Variants in RBMS3 observed in about 807,000 individuals in gnomAD.
RBMS3 encodes the protein RNA-binding motif, single-stranded-interacting protein 3.
Under a neutral mutation model 66.8 loss-of-function variants are expected in RBMS3, and 27 were observed. That is an observed-to-expected ratio of 0.40 (90% CI 0.30 to 0.56). RBMS3 has a LOEUF of 0.56. Among genes scored for constraint, RBMS3 ranks in the 20% least tolerant of loss-of-function variants. The pLI, the probability that RBMS3 is intolerant of heterozygous loss-of-function variation, is 0.40. For synonymous variants in RBMS3, 188 were observed against 183.0 expected (o/e 1.03, Z -0.22); for missense variants, 513 against 549.5 (o/e 0.93, Z 0.66).
At chr3:29,671,103 T>C (rs756494256) in intron 4 of RBMS3, among the ~76,000 whole-genome samples, 1 of 152,198 alleles carries the variant, frequency 6.6e-6, no homozygotes, top group Non-Finnish European at 1.5e-5. Flanking sequence ...ATATTTGCTG[T>C]TCTGCAGCCT....
intron 4 of RBMS3, among the ~76,000 whole-genome samples, chr3:29,664,519 C>T (rs1315473677): frequency 1.3e-5 from 2 of 151,848 alleles, no homozygotes; most frequent in Non-Finnish European, 2.9e-5. Flanking sequence ...AAGTCATTTA[C>T]TATGACTTGT....
chr3:29,456,749 G>A (rs927675741), intron 2 of RBMS3, among the ~76,000 whole-genome samples: 4 of 152,134 alleles, frequency 2.6e-5, no homozygotes, highest in African/African-American at 9.7e-5. Context: ...TCATCTTTAA[G>A]TAAGTGTGTT....
Position 29,991,183 on chromosome 3 carries a change from A to AC in RBMS3, c.1283dup (p.Ala429CysfsTer8). 1.2e-6 allele frequency: 2 copies of AC among 1,614,176 alleles called. No homozygotes were observed. Among genetic ancestry groups the AC allele is most frequent in the Non-Finnish European group, 1.7e-6 (2 of 1,180,024 alleles). On this transcript the variant is annotated frameshift_variant, in exon 14 of 15. Transcript: ENST00000383767. LOFTEE classifies it high-confidence loss of function. ...CAGTGGACACATCCAACGAACATGCACCTGCATATTCTTACCAACAGTCTA... is the reference window on the plus strand; with the variant it reads ...CAGTGGACACATCCAACGAACATGCACCCTGCATATTCTTACCAACAGTCTA...
chr3:29,530,260 A>C, intron 3 of RBMS3, among the ~76,000 whole-genome samples: 1 of 152,220 alleles, frequency 6.6e-6, no homozygotes, highest in East Asian at 1.9e-4. Flanking sequence ...ATCAACACCG[A>C]TTCTGACAAC....
intron 10 of RBMS3, among the ~76,000 whole-genome samples, chr3:29,931,331 A>C (rs2061118327): frequency 6.6e-6 from 1 of 152,198 alleles, no homozygotes; most frequent in East Asian, 1.9e-4. Context: ...AGGAGGTATT[A>C]AGTGCTAAAG....
chr3:29,975,987 A>AT (rs1697556198), intron 12 of RBMS3, among the ~76,000 whole-genome samples: 1 of 151,900 alleles, frequency 6.6e-6, no homozygotes, highest in Non-Finnish European at 1.5e-5. Flanking sequence ...TTTAGGTCTT[A>AT]TTTAATTTCT....
At chr3:29,403,519 C>T (rs1046150306) in intron 1 of RBMS3, among the ~76,000 whole-genome samples, 4 of 151,972 alleles carry the variant, frequency 2.6e-5, no homozygotes, top group African/African-American at 9.7e-5. Context: ...CAATCTAGAA[C>T]ATGTAAGAAC....
In RBMS3 at chr3:30,005,250, C is replaced by CATTG. The variant is rs1429902369; in HGVS notation, c.*1391_*1394dup. 6.6e-6 allele frequency: 1 copy of CATTG among 150,410 alleles called. No homozygotes were observed. The highest frequency in any genetic ancestry group is 1.5e-5 in the Non-Finnish European group (1 of 67,536). The allele number at this position is 150,410 out of a possible 1,614,324, so 9.3% of individuals were successfully genotyped here. On this transcript the variant is annotated 3_prime_UTR_variant, in exon 15 of 15. Transcript: ENST00000383767. Reference sequence around the variant, plus strand: ...TCTCTCTTTTCTTTAAATGTGTATTCATTGATAGCAGAAGCTTGTACCTGC... The same window carrying CATTG: ...TCTCTCTTTTCTTTAAATGTGTATTCATTGATTGATAGCAGAAGCTTGTACCTGC...
At chr3:29,408,943 G>A (rs975353960) in intron 1 of RBMS3, among the ~76,000 whole-genome samples, 1 of 152,160 alleles carries the variant, frequency 6.6e-6, no homozygotes, top group African/African-American at 2.4e-5. Flanking sequence ...TGCTATTGCA[G>A]TCAGGATGCT....
intron 4 of RBMS3, among the ~76,000 whole-genome samples, chr3:29,652,523 T>A (rs1366231069): frequency 6.6e-6 from 1 of 152,054 alleles, no homozygotes; most frequent in Non-Finnish European, 1.5e-5. Flanking sequence ...CTAGTGATCT[T>A]GGGGAGGAGT....
intron 11 of RBMS3, among the ~76,000 whole-genome samples, chr3:29,942,814 T>C (rs2149701542): frequency 6.6e-6 from 1 of 151,776 alleles, no homozygotes; most frequent in African/African-American, 2.4e-5. Flanking sequence ...TTAACTTTTT[T>C]TTTTTTTTTT....
intron 2 of RBMS3, among the ~76,000 whole-genome samples, chr3:29,440,053 G>T (rs994863197): frequency 1.2e-4 from 19 of 152,108 alleles, no homozygotes; most frequent in Admixed American, 5.9e-4. Context: ...GTAGTGTAAT[G>T]ATTTTTTACA....
chr3:29,952,940 T>G (rs1695779255), intron 12 of RBMS3, among the ~76,000 whole-genome samples: 1 of 151,866 alleles, frequency 6.6e-6, no homozygotes, highest in Admixed American at 6.6e-5. Flanking sequence ...GTAAAAATTA[T>G]TGAGATTCTT....
intron 6 of RBMS3, among the ~76,000 whole-genome samples, chr3:29,868,133 G>A (rs2059404118): frequency 6.6e-6 from 1 of 152,156 alleles, no homozygotes; most frequent in Non-Finnish European, 1.5e-5. Context: ...ATTGTTGGAA[G>A]AGAAGTTCAG....
intron 6 of RBMS3, among the ~76,000 whole-genome samples, chr3:29,782,171 AC>A (rs2056657338): frequency 1.3e-5 from 2 of 152,060 alleles, no homozygotes; most frequent in Non-Finnish European, 2.9e-5. Context: ...TCCTTATAGG[AC>A]CATAGCTGAC....
rs912934013 is a variant in RBMS3, at chr3:29,320,066, G to A, written c.75+38310G>A. Among the ~76,000 whole-genome samples, 3 of 151,972 alleles carry A rather than the reference G, an allele frequency of 2.0e-5. No individual in the cohort carries two copies. In the East Asian group the frequency reaches 5.8e-4, roughly 29 times the overall value. On this transcript the variant is annotated intron_variant, in intron 1 of 14. Coordinates refer to ENST00000383767, the MANE Select transcript of RBMS3 (RefSeq NM_001003793.3). ...TTTAGTCTCTGCCATGTAAAAGGAG[G>A]CAACTGACTTACCTCATCAAGTCCT... is the stretch of plus-strand genomic sequence containing the variant.
At chr3:29,815,747 G>A (rs1031976197) in intron 6 of RBMS3, among the ~76,000 whole-genome samples, 3 of 151,820 alleles carry the variant, frequency 2.0e-5, no homozygotes, top group African/African-American at 7.3e-5. Flanking sequence ...GGATGCAAAG[G>A]CATAAAAATG....
chr3:29,589,448 A>G (rs2047648386), intron 4 of RBMS3, among the ~76,000 whole-genome samples: 1 of 152,096 alleles, frequency 6.6e-6, no homozygotes, highest in African/African-American at 2.4e-5. Flanking sequence ...CTGCTCAAAG[A>G]TTTTACCTTA....
chr3:29,323,721 CA>C (rs1559487797), intron 1 of RBMS3, among the ~76,000 whole-genome samples: 18 of 150,646 alleles, frequency 1.2e-4, no homozygotes, highest in South Asian at 8.5e-4. Flanking sequence ...CACACACACA[CA>C]CACACCCCTT....
Sources: allele counts gnomAD v4.1 joint callset (sites outside exome capture counted in the v4.1 genomes callset), GRCh38; gene constraint gnomAD v4.1.1; transcripts MANE v1.5; gene names NCBI Gene and HGNC (gene_info 2026-07-23, HGNC 2026-07-21).